PDE7A: variants seen among roughly 807,000 people sequenced by gnomAD.
The protein encoded by PDE7A is phosphodiesterase 7A.
Under a neutral mutation model 64.3 loss-of-function variants are expected in PDE7A, and 39 were observed. That is an observed-to-expected ratio of 0.61 (90% CI 0.47 to 0.79). The LOEUF (loss-of-function observed/expected upper bound fraction) is 0.79, where lower values mean the gene tolerates loss of function less well. Ranked by LOEUF, PDE7A falls within the 30% of genes least tolerant of loss-of-function variation. The pLI, the probability that PDE7A is intolerant of heterozygous loss-of-function variation, is 0.00. For missense variants in PDE7A, 470 were observed against 582.8 expected, an observed-to-expected ratio of 0.81 and a Z score of 1.99; for synonymous variants, 203 against 206.8, an observed-to-expected ratio of 0.98 and a Z score of 0.16.
At position 65,782,780 on chromosome 8, in the gene PDE7A, T is replaced by C; in HGVS notation, c.199+3A>G. 2 of 1,528,498 alleles carry C rather than the reference T, an allele frequency of 1.3e-6. No homozygotes were observed. The highest frequency in any genetic ancestry group is 1.8e-6 in the Non-Finnish European group (2 of 1,107,828). The allele number at this position is 1,528,498 out of a possible 1,614,324, so 94.7% of individuals were successfully genotyped here. On this transcript the variant is annotated splice_donor_region_variant and intron_variant, in intron 2 of 12. Transcript: ENST00000401827. ...ATATTGGTATAAAATAAATAATGCT[T>C]ACCTAGCATACGAATGTATAATGCA...
chr8:65,797,714 G>C (rs1262101048), intron 1 of PDE7A, among the ~76,000 whole-genome samples: 3 of 151,942 alleles, frequency 2.0e-5, no homozygotes, highest in Non-Finnish European at 4.4e-5. Context: ...TTAGAAATTT[G>C]ATGCCCAACA....
rs1811107136 is a variant in PDE7A, at chr8:65,841,970, GCCGCCGCCGCC to G, written c.-473_-463del. The G allele has an allele frequency of 4.8e-6, 1 of 207,300 alleles. No homozygotes were observed. The highest frequency in any genetic ancestry group is 5.3e-5 in the African/African-American group (1 of 18,768). 12.8% of individuals were successfully genotyped at this position (207,300 alleles called of 1,614,324 possible). The stretch of plus-strand genomic sequence containing the variant: ...GGAGCAGCGACCAGCTCGGGCCGCC[GCCGCCGCCGCC>G]GCCGCCGCCGCCGGAGTCCTGCTCC... On this transcript the variant is annotated 5_prime_UTR_variant, in exon 1 of 13. Transcript: ENST00000401827.
intron 7 of PDE7A, among the ~76,000 whole-genome samples, chr8:65,729,708 G>A (rs898390380): frequency 1.9e-4 from 28 of 150,156 alleles, no homozygotes; most frequent in South Asian, 6.3e-4. Context: ...GATTATAGGC[G>A]CCTACCACCA....
intron 1 of PDE7A, among the ~76,000 whole-genome samples, chr8:65,825,893 ACAAAT>A (rs1471246325): frequency 6.6e-6 from 1 of 152,184 alleles, no homozygotes; most frequent in Non-Finnish European, 1.5e-5. Flanking sequence ...GTAGAGACAT[ACAAAT>A]CAAATTAGTG....
rs1190279452 is a variant in PDE7A at position 65,714,936 on chromosome 8, C to T, written c.*4354G>A. Among the ~76,000 whole-genome samples the T allele has an allele frequency of 1.4e-4, 21 of 152,138 alleles. No homozygotes were observed. The highest frequency in any genetic ancestry group is 1.5e-4 in the Non-Finnish European group (10 of 68,038). Reference sequence around the variant, plus strand: ...TACAGAGTATCATTACCAACCATCACATTTACAGTGAGTACAAATATTGAC... The same window carrying T: ...TACAGAGTATCATTACCAACCATCATATTTACAGTGAGTACAAATATTGAC... On this transcript the variant is annotated 3_prime_UTR_variant, in exon 13 of 13. Transcript: ENST00000401827.
chr8:65,811,969 G>A (rs1416949314), intron 1 of PDE7A, among the ~76,000 whole-genome samples: 1 of 152,172 alleles, frequency 6.6e-6, no homozygotes, highest in African/African-American at 2.4e-5. Flanking sequence ...CACTTTGGGA[G>A]GCCAAGGCAA....
chr8:65,792,648 T>C lies in PDE7A; in HGVS notation c.139-9805A>G, dbSNP rs139816314. ...TGTCTGTAGAAAACTATAACCAAAT[T>C]TGCGACAGAAAAAATGTGAACACTA... On this transcript the variant is annotated intron_variant, in intron 1 of 12. Transcript: ENST00000401827. Among the ~76,000 whole-genome samples the C allele has an allele frequency of 2.1e-3, 323 of 152,318 alleles. 1 individual carries two copies. The highest frequency in any genetic ancestry group is 7.4e-3 in the African/African-American group (309 of 41,564).
At chr8:65,824,327 G>A (rs1264472146) in intron 1 of PDE7A, among the ~76,000 whole-genome samples, 6 of 152,158 alleles carry the variant, frequency 3.9e-5, no homozygotes, top group African/African-American at 7.2e-5. Flanking sequence ...TCTTACTGAT[G>A]AGCAAAGAAA....
At chr8:65,782,198 A>G (rs766385452) in intron 2 of PDE7A, among the ~76,000 whole-genome samples, 22 of 152,224 alleles carry the variant, frequency 1.4e-4, no homozygotes, top group Non-Finnish European at 2.5e-4. Context: ...GTTTAATAAT[A>G]TGAGTTAAAG....
chr8:65,841,967 G>A lies in PDE7A; in HGVS notation c.-459C>T, dbSNP rs1793838618. Reference sequence around the variant, plus strand: ...TCAGGAGCAGCGACCAGCTCGGGCCGCCGCCGCCGCCGCCGCCGCCGCCGC... The same window carrying A: ...TCAGGAGCAGCGACCAGCTCGGGCCACCGCCGCCGCCGCCGCCGCCGCCGC... On this transcript the variant is annotated 5_prime_UTR_variant, in exon 1 of 13. Transcript: ENST00000401827. 1.0e-5 allele frequency: 2 copies of A among 200,970 alleles called. No homozygotes were observed. Among genetic ancestry groups the A allele is most frequent in the Non-Finnish European group, 1.7e-5 (2 of 115,218 alleles). The allele number at this position is 200,970 out of a possible 1,614,324, so 12.4% of individuals were successfully genotyped here. A position where few individuals can be genotyped will look rare whatever the true frequency, so the allele number is the denominator to read the frequency against.
intron 2 of PDE7A, among the ~76,000 whole-genome samples, chr8:65,780,020 AC>A (rs2128923815): frequency 6.6e-6 from 1 of 152,160 alleles, no homozygotes; most frequent in Admixed American, 6.5e-5. Flanking sequence ...TTTTAAATCT[AC>A]CCCTATAATA....
chr8:65,840,470 A>G (rs955505850), intron 1 of PDE7A, among the ~76,000 whole-genome samples: 8 of 152,078 alleles, frequency 5.3e-5, no homozygotes, highest in Non-Finnish European at 7.4e-5. Context: ...GAGAAAATAT[A>G]CTCCCATAAA....
At chr8:65,782,426 C>T (rs1472476306) in intron 2 of PDE7A, among the ~76,000 whole-genome samples, 2 of 152,192 alleles carry the variant, frequency 1.3e-5, no homozygotes, top group Non-Finnish European at 2.9e-5. Context: ...ACTATCTGAG[C>T]AGGTGTTTCA....
rs11339152 is a variant in PDE7A, at chr8:65,793,484, T to TA, written c.139-10642dup. On this transcript the variant is annotated intron_variant, in intron 1 of 12. Transcript: ENST00000401827. ...ATGAAAATAAGTTTTTAAAGTTTCC[T>TA]AAAAAAAAAAAAAAAGGCAAATATG... 6.1e-3 allele frequency among the ~76,000 whole-genome samples: 834 copies of TA among 137,820 alleles called. 2 individuals are homozygous for TA. Among genetic ancestry groups the TA allele is most frequent in the African/African-American group, 8.2e-3 (320 of 39,168 alleles). The allele number at this position is 137,820 out of a possible 152,430, so 90.4% of individuals were successfully genotyped here. A position where few individuals can be genotyped will look rare whatever the true frequency, so the allele number is the denominator to read the frequency against.
At chr8:65,790,301 T>C (rs1213352611) in intron 1 of PDE7A, among the ~76,000 whole-genome samples, 1 of 152,056 alleles carries the variant, frequency 6.6e-6, no homozygotes, top group East Asian at 1.9e-4. Flanking sequence ...AGTACTGTAG[T>C]AGATTTTGCT....
At chr8:65,834,012 G>A (rs1305137167) in intron 1 of PDE7A, among the ~76,000 whole-genome samples, 4 of 152,072 alleles carry the variant, frequency 2.6e-5, no homozygotes, top group Non-Finnish European at 5.9e-5. Context: ...CCATATAGGA[G>A]TTACTCCAAA....
In PDE7A at chr8:65,826,646, G is replaced by C. The variant is rs559749884; in HGVS notation, c.138+14725C>G. Among the ~76,000 whole-genome samples the C allele has an allele frequency of 3.9e-5, 6 of 152,304 alleles. No individual in the cohort carries two copies. The South Asian group carries it at 1.2e-3, about 32-fold the overall frequency. ...CTAGCAGAGTGCCTGGCATGTAAGTGCTCAGTAAATTTGATTGAAAGAATG... is the reference window on the plus strand; with the variant it reads ...CTAGCAGAGTGCCTGGCATGTAAGTCCTCAGTAAATTTGATTGAAAGAATG... On this transcript the variant is annotated intron_variant, in intron 1 of 12. Transcript: ENST00000401827.
chr8:65,736,341 A>G (rs1050969609), intron 6 of PDE7A, among the ~76,000 whole-genome samples: 3 of 152,196 alleles, frequency 2.0e-5, no homozygotes, highest in African/African-American at 7.2e-5. Flanking sequence ...TTTTCCATTT[A>G]ATATTTTCAG....
At chr8:65,827,505 C>T (rs999914909) in intron 1 of PDE7A, among the ~76,000 whole-genome samples, 1 of 152,094 alleles carries the variant, frequency 6.6e-6, no homozygotes, top group South Asian at 2.1e-4. Flanking sequence ...GCCACCATAA[C>T]ACTCACTTTA....
Sources: allele counts gnomAD v4.1 joint callset (sites outside exome capture counted in the v4.1 genomes callset), GRCh38; gene constraint gnomAD v4.1.1; transcripts MANE v1.5; gene names NCBI Gene and HGNC (gene_info 2026-07-23, HGNC 2026-07-21).